Variants in ARHGAP32 observed in about 807,000 individuals in gnomAD.
ARHGAP32 encodes the protein Rho GTPase activating protein 32, also known as rho GTPase-activating protein 32.
In ARHGAP32, 51 loss-of-function variants were observed where a neutral mutation model predicts 186.5. The observed-to-expected ratio is 0.27, with a 90% CI of 0.22 to 0.35. The LOEUF is 0.35. Among genes scored for constraint, ARHGAP32 ranks in the 10% least tolerant of loss-of-function variants. The pLI is 1.00. For synonymous variants in ARHGAP32, 950 were observed against 964.3 expected (o/e 0.99, Z 0.27); for missense variants, 2,186 against 2,623.5 (o/e 0.83, Z 3.64).
At position 128,969,892 on chromosome 11, in the gene ARHGAP32, C is replaced by A; in HGVS notation, c.5321G>T (p.Arg1774Leu). 1 of 1,614,210 alleles carries A rather than the reference C, an allele frequency of 6.2e-7. No individual in the cohort carries two copies. Among genetic ancestry groups the A allele is most frequent in the South Asian group, 1.1e-5 (1 of 91,090 alleles). ...AGGCCCTTTCACCTTCTGCCGAGCA[C>A]GGCTCTCTCTCCGGATGGACTGCAT... ...YRMQSIRRESRARQKVKGPVM... is the reference protein window; with the variant it reads ...YRMQSIRRESLARQKVKGPVM... The change falls in exon 23 of 23, where the codon CGT becomes CTT. Residue 1774 changes from arginine to leucine, a missense_variant. Around this residue, in one of 5 missense-constraint regions of ARHGAP32, gnomAD observed 1,502 missense variants for 1,570.0 expected, o/e 0.96. Transcript: ENST00000682385. The surrounding 1 kb of genome is among the most constrained non-coding windows in gnomAD (Gnocchi z 4.8).
chr11:129,073,452 T>C (rs1940933311), intron 6 of ARHGAP32, among the ~76,000 whole-genome samples: 1 of 152,162 alleles, frequency 6.6e-6, no homozygotes, highest in African/African-American at 2.4e-5. Context: ...TGAATGTCTT[T>C]GATGGATTCA....
At chr11:129,128,008 T>C (rs1942703397) in intron 2 of ARHGAP32, among the ~76,000 whole-genome samples, 1 of 152,166 alleles carries the variant, frequency 6.6e-6, no homozygotes, top group Admixed American at 6.5e-5. Context: ...TTAAGGAAAT[T>C]AATGGATTCA....
At chr11:129,162,274 C>T (rs1047630724) in intron 2 of ARHGAP32, among the ~76,000 whole-genome samples, 5 of 152,042 alleles carry the variant, frequency 3.3e-5, no homozygotes, top group African/African-American at 1.2e-4. Context: ...TGCACATGTA[C>T]TCCGGAACTT....
intron 1 of ARHGAP32, among the ~76,000 whole-genome samples, chr11:129,232,515 A>G (rs1725784158): frequency 6.6e-6 from 1 of 152,210 alleles, no homozygotes; most frequent in Admixed American, 6.5e-5. Flanking sequence ...CTTTCAAGTA[A>G]AAGTCAGATT....
At chr11:129,263,548 ACTGGC>A (rs767784171) in intron 1 of ARHGAP32, among the ~76,000 whole-genome samples, 96 of 16,508 alleles carry the variant, frequency 5.8e-3, no homozygotes, top group South Asian at 0.029. Context: ...TAAAATGGCT[ACTGGC>A]AAAAAAAAGG....
chr11:129,224,028 G>C (rs182667439), intron 1 of ARHGAP32, among the ~76,000 whole-genome samples: 2 of 152,142 alleles, frequency 1.3e-5, no homozygotes, highest in Admixed American at 6.6e-5. Context: ...GAGCTGATAG[G>C]CTCCATGGTG....
Position 129,010,348 on chromosome 11 carries a change from T to C in ARHGAP32, c.1046-11880A>G, listed in dbSNP as rs539258798. ...TTTGTTGCAATTGTTTTTGGTGTTT[T>C]CGTCATGAAATCTTTGCCCATACCT... On this transcript the variant is annotated intron_variant, in intron 11 of 22. Coordinates refer to ENST00000682385, the MANE Select transcript of ARHGAP32 (RefSeq NM_001378024.1). Among the ~76,000 whole-genome samples, 456 of 152,380 alleles carry C rather than the reference T, an allele frequency of 3.0e-3. 1 individual carries two copies. The highest frequency in any genetic ancestry group is 0.011 in the African/African-American group (438 of 41,592).
chr11:128,992,408 A>G (rs1327410259), intron 12 of ARHGAP32, among the ~76,000 whole-genome samples: 3 of 151,514 alleles, frequency 2.0e-5, no homozygotes, highest in African/African-American at 7.3e-5. Flanking sequence ...GATACCAGAA[A>G]AAGAAATTAA....
Position 129,184,811 on chromosome 11 carries a change from A to C in ARHGAP32, c.116+7272T>G, listed in dbSNP as rs574119906. 8.5e-5 allele frequency among the ~76,000 whole-genome samples: 13 copies of C among 152,324 alleles called. No individual in the cohort carries two copies. In the South Asian group the frequency reaches 2.7e-3, roughly 32 times the overall value. Reference sequence around the variant, plus strand: ...GGCAAAAAGAACATGTTACCTACAAAGGAAAAGAAAAAAACAGATTGGCAT... The same window carrying C: ...GGCAAAAAGAACATGTTACCTACAACGGAAAAGAAAAAAACAGATTGGCAT... On this transcript the variant is annotated intron_variant, in intron 1 of 22. Transcript: ENST00000682385.
chr11:129,122,210 A>C (rs1347614085), intron 5 of ARHGAP32, among the ~76,000 whole-genome samples: 4 of 152,024 alleles, frequency 2.6e-5, no homozygotes, highest in Non-Finnish European at 5.9e-5. Flanking sequence ...CTTTCATATA[A>C]TGTTAACATT....
At chr11:128,981,618 CT>C (rs1565354752) in intron 16 of ARHGAP32, 57 bp from the exon 17 acceptor site, 4 of 1,535,774 alleles carry the variant, frequency 2.6e-6, no homozygotes, top group South Asian at 2.5e-5. Flanking sequence ...TCAAGGGCCT[CT>C]TTTTTTAAAC....
At chr11:129,107,643 C>T (rs1360758281) in intron 5 of ARHGAP32, among the ~76,000 whole-genome samples, 1 of 151,988 alleles carries the variant, frequency 6.6e-6, no homozygotes, top group African/African-American at 2.4e-5. Context: ...CCACAGCAGG[C>T]GGATCGCCTG....
intron 5 of ARHGAP32, among the ~76,000 whole-genome samples, chr11:129,103,321 T>G (rs1383195469): frequency 6.6e-6 from 1 of 152,082 alleles, no homozygotes; most frequent in South Asian, 2.1e-4. Context: ...AGCAGTGAAC[T>G]TGAAAACAGG....
intron 19 of ARHGAP32, among the ~76,000 whole-genome samples, chr11:128,977,488 C>T (rs952379812): frequency 9.2e-5 from 14 of 152,100 alleles, no homozygotes; most frequent in African/African-American, 3.4e-4. Flanking sequence ...TGCTTCTCTC[C>T]AGCATTCAGC....
At chr11:129,164,469 T>C in intron 1 of ARHGAP32, 42 bp from the exon 2 acceptor site, 1 of 1,182,898 alleles carries the variant, frequency 8.5e-7, no homozygotes, top group Non-Finnish European at 1.2e-6. Context: ...GAATTTCCAA[T>C]TCTATGAAAG....
At chr11:129,235,824 T>C (rs1343742747) in intron 1 of ARHGAP32, among the ~76,000 whole-genome samples, 3 of 151,944 alleles carry the variant, frequency 2.0e-5, no homozygotes, top group Non-Finnish European at 2.9e-5. Context: ...TAGTTTTCCA[T>C]TCCTGAGTTA....
chr11:128,983,082 G>A (rs1945757318), intron 15 of ARHGAP32, among the ~76,000 whole-genome samples: 1 of 151,946 alleles, frequency 6.6e-6, no homozygotes, highest in Admixed American at 6.6e-5. Context: ...TTGTTCAAGA[G>A]GCTTTTACCA....
intron 1 of ARHGAP32, among the ~76,000 whole-genome samples, chr11:129,230,106 C>T (rs959635789): frequency 2.6e-5 from 4 of 152,062 alleles, no homozygotes; most frequent in African/African-American, 4.8e-5. Flanking sequence ...AACCATTGTG[C>T]GCAGCCTTAA....
chr11:129,173,447 G>T (rs1943818785), intron 1 of ARHGAP32, among the ~76,000 whole-genome samples: 1 of 152,102 alleles, frequency 6.6e-6, no homozygotes, highest in South Asian at 2.1e-4. Flanking sequence ...AAAAAGGAGG[G>T]ACTCCTCCCT....
Sources: gnomAD v4.1 joint callset for allele counts (sites outside exome capture counted in the v4.1 genomes callset) on GRCh38, gnomAD v4.1.1 for gene constraint, gnomAD v4.1.1 regional missense constraint, Gnocchi (gnomAD v3.1) non-coding constraint, MANE v1.5 for transcripts, NCBI Gene and HGNC (gene_info 2026-07-23, HGNC 2026-07-21) for gene names.